Variants in TRHDE observed in about 807,000 individuals in gnomAD.
The protein encoded by TRHDE is thyrotropin releasing hormone degrading enzyme, also known as thyrotropin-releasing hormone-degrading ectoenzyme.
A neutral mutation model predicts 125.7 loss-of-function variants in TRHDE; 72 were observed. The ratio of observed to expected loss-of-function variants is 0.57; its 90% CI spans 0.47 to 0.70. The LOEUF (loss-of-function observed/expected upper bound fraction) is 0.70. Among genes scored for constraint, TRHDE ranks in the 30% least tolerant of loss-of-function variants. The probability of loss-of-function intolerance (pLI) is 0.00; values close to 1 mark genes in which losing one functional copy is unlikely to be tolerated. For synonymous variants in TRHDE, 509 were observed against 509.1 expected, an observed-to-expected ratio of 1.00 and a Z score of 0.00; for missense variants, 1,110 against 1,327.1, an observed-to-expected ratio of 0.84 and a Z score of 2.54.
chr12:72,228,438 A>G (rs1565667731), intron 2 of TRHDE, among the ~76,000 whole-genome samples: 2 of 152,206 alleles, frequency 1.3e-5, no homozygotes, highest in Non-Finnish European at 2.9e-5. Context: ...TGCACAAAGC[A>G]TGAAGGCCCT....
chr12:72,202,680 A>G (rs1216517367), intron 2 of TRHDE, among the ~76,000 whole-genome samples: 1 of 152,212 alleles, frequency 6.6e-6, no homozygotes, highest in Admixed American at 6.5e-5. Flanking sequence ...AATCTTGACC[A>G]TTCAATACTT....
chr12:72,128,601 C>CT (rs1470575416), intron 2 of TRHDE, among the ~76,000 whole-genome samples: 1 of 152,066 alleles, frequency 6.6e-6, no homozygotes, highest in Non-Finnish European at 1.5e-5. Context: ...CTAAGTTGAA[C>CT]TTTTAGGGTT....
chr12:72,228,142 G>A (rs144409281), intron 2 of TRHDE, among the ~76,000 whole-genome samples: 1 of 152,142 alleles, frequency 6.6e-6, no homozygotes, highest in Non-Finnish European at 1.5e-5. Flanking sequence ...CTCTGTGTGG[G>A]GGCTCCAACC....
chr12:72,367,451 T>C (rs1220666175), intron 2 of TRHDE, among the ~76,000 whole-genome samples: 5 of 152,110 alleles, frequency 3.3e-5, no homozygotes, highest in Non-Finnish European at 5.9e-5. Flanking sequence ...CAGCTTCTTC[T>C]TTATGTTCAT....
chr12:72,526,786 A>G (rs1266406460), intron 6 of TRHDE, among the ~76,000 whole-genome samples: 1 of 152,130 alleles, frequency 6.6e-6, no homozygotes, highest in Non-Finnish European at 1.5e-5. Context: ...TTGATATAAT[A>G]CCAAAATGAA....
chr12:72,318,629 T>C (rs1868925132), intron 2 of TRHDE, among the ~76,000 whole-genome samples: 1 of 152,156 alleles, frequency 6.6e-6, no homozygotes, highest in Admixed American at 6.5e-5. Flanking sequence ...TCTTTTTCAG[T>C]TGCTAGGAGT....
At chr12:72,496,011 A>G (rs1285034751) in intron 5 of TRHDE, among the ~76,000 whole-genome samples, 3 of 152,200 alleles carry the variant, frequency 2.0e-5, no homozygotes, top group Non-Finnish European at 4.4e-5. Context: ...TACTGTTGAC[A>G]TTGAACTTAT....
intron 15 of TRHDE, among the ~76,000 whole-genome samples, chr12:72,639,253 T>C (rs1398523460): frequency 1.7e-4 from 26 of 149,434 alleles, no homozygotes; most frequent in Admixed American, 3.3e-4. Flanking sequence ...ATTTCATTCA[T>C]TTCATCTTCC....
At chr12:72,652,058 T>A (rs1463508049) in intron 15 of TRHDE, among the ~76,000 whole-genome samples, 1 of 152,044 alleles carries the variant, frequency 6.6e-6, no homozygotes, top group African/African-American at 2.4e-5. Flanking sequence ...AGCCTTTATG[T>A]TACTATTTTT....
At chr12:72,160,632 T>G (rs1876617253) in intron 2 of TRHDE, among the ~76,000 whole-genome samples, 1 of 152,170 alleles carries the variant, frequency 6.6e-6, no homozygotes, top group Non-Finnish European at 1.5e-5. Context: ...GAGGTTACAG[T>G]GAGCCGAGAC....
intron 6 of TRHDE, among the ~76,000 whole-genome samples, chr12:72,518,241 G>A (rs1304616385): frequency 6.8e-6 from 1 of 146,592 alleles, no homozygotes; most frequent in Non-Finnish European, 1.5e-5. Flanking sequence ...TGTTGACAGT[G>A]GGGTGTTAAA....
At chr12:72,243,791 A>AT (rs1368565753) in intron 2 of TRHDE, among the ~76,000 whole-genome samples, 2 of 152,044 alleles carry the variant, frequency 1.3e-5, no homozygotes, top group East Asian at 1.9e-4. Flanking sequence ...CTTCATGGCT[A>AT]TTTTTTTCTT....
At chr12:72,375,517 A>G (rs1871837941) in intron 2 of TRHDE, among the ~76,000 whole-genome samples, 1 of 152,190 alleles carries the variant, frequency 6.6e-6, no homozygotes, top group Non-Finnish European at 1.5e-5. Context: ...CTGTGTTTCC[A>G]CCAAAAACAG....
At chr12:72,292,031 T>C (rs759862580) in intron 2 of TRHDE, among the ~76,000 whole-genome samples, 6 of 152,234 alleles carry the variant, frequency 3.9e-5, no homozygotes, top group Non-Finnish European at 8.8e-5. Flanking sequence ...TCAAGTTATA[T>C]CCACTCCATT....
intron 3 of TRHDE, among the ~76,000 whole-genome samples, chr12:72,443,141 T>G (rs758446881): frequency 5.3e-5 from 8 of 151,662 alleles, no homozygotes; most frequent in Non-Finnish European, 8.8e-5. Context: ...AACATTGTAC[T>G]ACAATAGTAT....
intron 6 of TRHDE, among the ~76,000 whole-genome samples, chr12:72,504,455 C>G (rs888765353): frequency 2.1e-4 from 32 of 152,206 alleles, no homozygotes; most frequent in African/African-American, 7.2e-4. Flanking sequence ...GGGTGCCCAC[C>G]ACCACGACTG....
At chr12:72,303,877 G>A (rs1868297805) in intron 2 of TRHDE, among the ~76,000 whole-genome samples, 2 of 152,148 alleles carry the variant, frequency 1.3e-5, no homozygotes, top group African/African-American at 4.8e-5. Context: ...AGGGACATTG[G>A]TGGATAATTA....
intron 7 of TRHDE, among the ~76,000 whole-genome samples, chr12:72,547,213 A>T (rs1342152007): frequency 6.6e-6 from 1 of 151,420 alleles, no homozygotes; most frequent in South Asian, 2.1e-4. Flanking sequence ...TCTCTTCCTT[A>T]ATATTGTATT....
chr12:72,202,046 A>G (rs1195525715), intron 2 of TRHDE, among the ~76,000 whole-genome samples: 1 of 152,224 alleles, frequency 6.6e-6, no homozygotes, highest in East Asian at 1.9e-4. Context: ...TGGCCTCAAC[A>G]GTACTGTCTC....
Sources: allele counts gnomAD v4.1 joint callset (sites outside exome capture counted in the v4.1 genomes callset), GRCh38; gene constraint gnomAD v4.1.1; transcripts MANE v1.5; gene names NCBI Gene and HGNC (gene_info 2026-07-23, HGNC 2026-07-21).